Variants in GRID2 observed in about 807,000 individuals in gnomAD.
GRID2 encodes the protein glutamate ionotropic receptor delta type subunit 2.
In GRID2, 33 loss-of-function variants were observed where a neutral mutation model predicts 114.8. The ratio of observed to expected loss-of-function variants is 0.29; its 90% CI spans 0.22 to 0.38. GRID2 has a LOEUF of 0.38. GRID2 is among the 10% of genes least tolerant of loss of function. The pLI is 1.00. For missense variants in GRID2, 1,184 were observed against 1,257.7 expected (o/e 0.94, Z 0.89); for synonymous variants, 505 against 449.9 (o/e 1.12, Z -1.55).
chr4:93,215,762 A>G (rs573440880), intron 5 of GRID2, among the ~76,000 whole-genome samples: 2 of 152,140 alleles, frequency 1.3e-5, no homozygotes, highest in East Asian at 1.9e-4. Context: ...GAACATTTAC[A>G]CCTATGAATT....
intron 8 of GRID2, among the ~76,000 whole-genome samples, chr4:93,328,810 T>G (rs115404854): frequency 0.012 from 1,850 of 152,086 alleles, 21 homozygotes; most frequent in Middle Eastern, 0.024. Context: ...ATAATGTATA[T>G]CAGGATATAT....
intron 10 of GRID2, among the ~76,000 whole-genome samples, chr4:93,443,919 T>A (rs1184528127): frequency 8.6e-5 from 13 of 151,382 alleles, no homozygotes; most frequent in Admixed American, 8.6e-4. Flanking sequence ...GAGAGAGACA[T>A]CTTTCTTGGA....
intron 8 of GRID2, among the ~76,000 whole-genome samples, chr4:93,377,636 G>A (rs1456824471): frequency 6.6e-6 from 1 of 152,068 alleles, no homozygotes; most frequent in Non-Finnish European, 1.5e-5. Context: ...TTACCCTCTT[G>A]TACCAAATAT....
intron 2 of GRID2, among the ~76,000 whole-genome samples, chr4:92,872,122 CTTA>C (rs1223743909): frequency 6.6e-6 from 1 of 151,958 alleles, no homozygotes; most frequent in African/African-American, 2.4e-5. Flanking sequence ...TGTTTATTAA[CTTA>C]TTTTTAGTAG....
At chr4:92,886,095 T>C (rs1746349051) in intron 2 of GRID2, among the ~76,000 whole-genome samples, 1 of 152,138 alleles carries the variant, frequency 6.6e-6, no homozygotes, top group Admixed American at 6.5e-5. Flanking sequence ...TTCAGCCCTT[T>C]CTAGTACAAA....
chr4:93,498,233 C>T (rs13152307), intron 12 of GRID2, among the ~76,000 whole-genome samples: 39,908 of 151,574 alleles, frequency 0.26, 5,655 homozygotes, highest in East Asian at 0.43. Flanking sequence ...TGGTGAGGGC[C>T]AGGTTTCTGC....
intron 2 of GRID2, among the ~76,000 whole-genome samples, chr4:92,624,431 T>C (rs1026752240): frequency 9.2e-5 from 14 of 151,892 alleles, no homozygotes; most frequent in African/African-American, 3.4e-4. Context: ...GATTCTGTTT[T>C]GATCACTGGA....
intron 3 of GRID2, among the ~76,000 whole-genome samples, chr4:93,104,913 C>T (rs1732057504): frequency 1.3e-5 from 2 of 152,086 alleles, no homozygotes; most frequent in South Asian, 2.1e-4. Flanking sequence ...AACTAGTTTA[C>T]AGTCCCACCA....
At chr4:92,786,351 C>T (rs1290595832) in intron 2 of GRID2, among the ~76,000 whole-genome samples, 4 of 151,786 alleles carry the variant, frequency 2.6e-5, no homozygotes, top group African/African-American at 9.7e-5. Flanking sequence ...ATCGTGATAT[C>T]TGCTTTGAAA....
At chr4:93,786,230 G>C (rs1253802994) in intron 1 of GRID2, among the ~76,000 whole-genome samples, 1 of 152,156 alleles carries the variant, frequency 6.6e-6, no homozygotes, top group Non-Finnish European at 1.5e-5. Context: ...CAGAATGGTG[G>C]ACTAAAGCCA....
chr4:92,873,944 C>T (rs1023855414), intron 2 of GRID2, among the ~76,000 whole-genome samples: 12 of 152,070 alleles, frequency 7.9e-5, no homozygotes, highest in Non-Finnish European at 1.6e-4. Context: ...GAACACCTGA[C>T]CTCAGGTGAT....
chr4:93,217,051 G>T, intron 6 of GRID2, 140 bp downstream of exon 6: 1 of 557,220 alleles, frequency 1.8e-6, no homozygotes, highest in Non-Finnish European at 3.2e-6. Flanking sequence ...TAAGTCTAAT[G>T]GGGAGAAAGT....
intron 13 of GRID2, among the ~76,000 whole-genome samples, chr4:93,601,198 T>A (rs11097374): frequency 0.084 from 12,718 of 152,236 alleles, 1,093 homozygotes; most frequent in East Asian, 0.47. Context: ...GAATTGGATT[T>A]GGATTAAATA....
At chr4:93,102,038 G>A (rs1165197641) in intron 3 of GRID2, among the ~76,000 whole-genome samples, 1 of 151,952 alleles carries the variant, frequency 6.6e-6, no homozygotes, top group African/African-American at 2.4e-5. Context: ...CAAAGTATCA[G>A]ATGTTTGCTT....
rs1186215701 is a variant in GRID2 at position 92,471,926 on chromosome 4, CTTTTTTTTTTTTT to C, written c.89-118192_89-118180del. Among the ~76,000 whole-genome samples, 3 of 57,322 alleles carry C rather than the reference CTTTTTTTTTTTTT, an allele frequency of 5.2e-5. 1 individual carries two copies. Among genetic ancestry groups the C allele is most frequent in the African/African-American group, 2.2e-4 (3 of 13,416 alleles). 37.6% of individuals were successfully genotyped at this position (57,322 alleles called of 152,430 possible). Reference sequence around the variant, plus strand: ...CTTATTTGGGGATTTATCCATATTTCTTTTTTTTTTTTTTTTTTTTTTTTTGAGACGGAGTCTC... The same window carrying C: ...CTTATTTGGGGATTTATCCATATTTCTTTTTTTTTTTTGAGACGGAGTCTC... On this transcript the variant is annotated intron_variant, in intron 1 of 15. Transcript: ENST00000282020.
At chr4:93,316,276 AAAAGAACGAAAGAACG>A (rs1245535342) in intron 8 of GRID2, among the ~76,000 whole-genome samples, 5 of 57,316 alleles carry the variant, frequency 8.7e-5, no homozygotes, top group Admixed American at 2.0e-4. Flanking sequence ...AGAAAGAAAG[AAAAGAACGAAAGAACG>A]AAAGAAAGAA....
intron 1 of GRID2, among the ~76,000 whole-genome samples, chr4:92,552,982 T>C (rs1166829720): frequency 2.0e-5 from 3 of 152,192 alleles, no homozygotes; most frequent in Non-Finnish European, 4.4e-5. Flanking sequence ...TTTGCTCACA[T>C]AAGTGAAACA....
intron 2 of GRID2, among the ~76,000 whole-genome samples, chr4:92,600,088 A>G (rs1396955758): frequency 1.7e-5 from 2 of 119,748 alleles, no homozygotes; most frequent in Admixed American, 8.9e-5. Flanking sequence ...ATATATATAT[A>G]TTTCTCAGAA....
intron 14 of GRID2, among the ~76,000 whole-genome samples, chr4:93,645,876 C>T (rs1578469218): frequency 6.6e-6 from 1 of 152,148 alleles, no homozygotes; most frequent in Non-Finnish European, 1.5e-5. Flanking sequence ...ATCTATCTTA[C>T]ACTTCCTTTT....
Sources: allele counts gnomAD v4.1 joint callset (sites outside exome capture counted in the v4.1 genomes callset), GRCh38; gene constraint gnomAD v4.1.1; transcripts MANE v1.5; gene names NCBI Gene and HGNC (gene_info 2026-07-23, HGNC 2026-07-21).